SSC5D: variants seen among roughly 807,000 people sequenced by gnomAD.
SSC5D encodes scavenger receptor cysteine rich family member with 5 domains, also known as soluble scavenger receptor cysteine-rich domain-containing protein SSC5D.
A neutral mutation model predicts 104.6 loss-of-function variants in SSC5D; 106 were observed. That is an observed-to-expected ratio of 1.01 (90% CI 0.87 to 1.19). The LOEUF is 1.19. Among genes scored for constraint, SSC5D ranks in the 50% most tolerant of loss-of-function variants. The probability of loss-of-function intolerance (pLI) is 0.00; values close to 1 mark genes in which losing one functional copy is unlikely to be tolerated. For synonymous variants in SSC5D, 860 were observed against 883.5 expected, an observed-to-expected ratio of 0.97 and a Z score of 0.47; for missense variants, 1,993 against 2,153.8, an observed-to-expected ratio of 0.93 and a Z score of 1.48.
chr19:55,498,197 G>A lies in SSC5D; in HGVS notation c.1705G>A (p.Gly569Arg). ...HNEDVGVTCTGPPGLDSISDP... is the reference protein window; with the variant it reads ...HNEDVGVTCTRPPGLDSISDP... ...TGAGGATGTTGGGGTCACCTGCACT[G>A]GTAAGGAGGCCCTAGCTATCTGTTG... Residue 569 changes from glycine to arginine, a missense_variant and splice_region_variant, in exon 9 of 14, where the codon GGG becomes AGG. Physicochemically the swap from Gly to Arg is moderately radical, Grantham distance 125 (BLOSUM62 -2). Transcript: ENST00000389623. 1 of 1,551,674 alleles carries A rather than the reference G, an allele frequency of 6.4e-7. No homozygotes were observed. Among genetic ancestry groups the A allele is most frequent in the Non-Finnish European group, 8.7e-7 (1 of 1,146,974 alleles).
chr19:55,502,138 A>G lies in SSC5D; in HGVS notation c.2785+937A>G, dbSNP rs549868038. Among the ~76,000 whole-genome samples, 11 of 151,980 alleles carry G rather than the reference A, an allele frequency of 7.2e-5. No individual in the cohort carries two copies. The East Asian group carries it at 1.9e-3, about 27-fold the overall frequency. On this transcript the variant is annotated intron_variant, in intron 12 of 13. Transcript: ENST00000389623. ...GGTCTCAAACTCCTGAGCTCAGGCG[A>G]TCCTCCTGTCTCACTCTCTCAAAGT... is the stretch of plus-strand genomic sequence containing the variant.
chr19:55,504,465 T>C, intron 12 of SSC5D: 1 of 493,134 alleles, frequency 2.0e-6, no homozygotes, highest in Non-Finnish European at 3.1e-6. Context: ...AGTGACTTGG[T>C]CTCTTTGAGT....
intron 12 of SSC5D, among the ~76,000 whole-genome samples, chr19:55,502,038 G>A (rs2123446036): frequency 6.6e-6 from 1 of 152,226 alleles, no homozygotes; most frequent in South Asian, 2.1e-4. Flanking sequence ...GAAAAGGTGG[G>A]ACTACAGATG....
intron 12 of SSC5D, chr19:55,504,197 C>T (rs2123448881): frequency 6.5e-7 from 1 of 1,533,618 alleles, no homozygotes; most frequent in Non-Finnish European, 8.7e-7. Context: ...CCCATAGCGC[C>T]CCCTCGTGGT....
chr19:55,497,980 G>C lies in SSC5D; in HGVS notation c.1488G>C (p.Trp496Cys), dbSNP rs1283133970. 1 of 1,551,826 alleles carries C rather than the reference G, an allele frequency of 6.4e-7. No individual in the cohort carries two copies. Among genetic ancestry groups the C allele is most frequent in the Non-Finnish European group, 8.7e-7 (1 of 1,147,016 alleles). ...QRWGTVCDDSWDMRDSAVVCR... is the reference protein window; with the variant it reads ...QRWGTVCDDSCDMRDSAVVCR... ...GGGGGACCGTGTGTGACGATAGCTG[G>C]GACATGCGGGATTCAGCTGTGGTCT... Residue 496 changes from tryptophan to cysteine, a missense_variant, in exon 9 of 14, where the codon TGG becomes TGC. By Grantham distance (215) the Trp-to-Cys change is radical. Around this residue, in one of 6 missense-constraint regions of SSC5D, gnomAD observed 1,101 missense variants for 1,085.0 expected, o/e 1.01. Transcript: ENST00000389623.
intron 8 of SSC5D, among the ~76,000 whole-genome samples, chr19:55,497,178 T>C (rs1987347047): frequency 1.3e-5 from 2 of 152,238 alleles, no homozygotes; most frequent in Non-Finnish European, 2.9e-5. Flanking sequence ...GTACTTCCAC[T>C]ACTCCCTTTA....
At chr19:55,495,233 ATTTTTTTTTT>A (rs74181759) in intron 8 of SSC5D, among the ~76,000 whole-genome samples, 1 of 50,664 alleles carries the variant, frequency 2.0e-5, no homozygotes, top group East Asian at 9.5e-4. Flanking sequence ...ATATATATAT[ATTTTTTTTTT>A]TTTTTTTTTT....
intron 6 of SSC5D, 77 bp from the exon 7 acceptor site, chr19:55,493,518 A>C: frequency 7.9e-7 from 1 of 1,265,962 alleles, no homozygotes; most frequent in South Asian, 1.7e-5. Context: ...TTGGGGTTGC[A>C]GCCTGCCTGA....
At position 55,493,707 on chromosome 19, in the gene SSC5D, A is replaced by G; in HGVS notation, c.1008A>G (p.Arg336=). 1 of 1,513,612 alleles carries G rather than the reference A, an allele frequency of 6.6e-7. No homozygotes were observed. Among genetic ancestry groups the G allele is most frequent in the South Asian group, 1.2e-5 (1 of 80,678 alleles). The allele number at this position is 1,513,612 out of a possible 1,614,324, so 93.8% of individuals were successfully genotyped here. A position where few individuals can be genotyped will look rare whatever the true frequency, so the allele number is the denominator to read the frequency against. The change falls in exon 7 of 14, where the codon CGA becomes CGG. Residue 336 remains arginine, a synonymous_variant. Coordinates refer to ENST00000389623, the MANE Select transcript of SSC5D (RefSeq NM_001144950.2). ...GSVCDDAWDL[R]DAAVACRELG... is the part of the protein sequence containing the mutation. Reference sequence around the variant, plus strand: ...TGTGTGACGACGCCTGGGACCTGCGAGACGCCGCTGTGGCCTGCCGAGAGC... The same window carrying G: ...TGTGTGACGACGCCTGGGACCTGCGGGACGCCGCTGTGGCCTGCCGAGAGC...
intron 12 of SSC5D, among the ~76,000 whole-genome samples, chr19:55,507,327 G>A: frequency 7.7e-6 from 1 of 129,606 alleles, no homozygotes; most frequent in Admixed American, 8.8e-5. Context: ...CTGGATGAGT[G>A]AGACCCCGTC....
rs982539156 is a variant in SSC5D at position 55,500,538 on chromosome 19, G to A, written c.2351G>A (p.Arg784Gln). The A allele has an allele frequency of 1.5e-5, 24 of 1,551,624 alleles. No homozygotes were observed. The highest frequency in any genetic ancestry group is 2.0e-5 in the Admixed American group (1 of 50,990). ...GATGGGCCCAACCGCTGTGCTGGCC[G>A]GCTGGAAGTGTGGCATGCCGGACGC... ...LADGPNRCAGRLEVWHAGRWG... is the reference protein window; with the variant it reads ...LADGPNRCAGQLEVWHAGRWG... Residue 784 changes from arginine (R) to glutamine (Q), a missense_variant, in exon 11 of 14, where the codon CGG becomes CAG. Physicochemically the swap from Arg to Gln is conservative, Grantham distance 43 (BLOSUM62 1). This residue lies in a region of SSC5D where 70 missense variants were observed against 107.1 expected (regional missense o/e 0.65). Transcript: ENST00000389623. This position sits in a 1 kb window ranked among gnomAD's most constrained non-coding sequence, Gnocchi z 4.6.
Position 55,500,458 on chromosome 19 carries a change from C to T in SSC5D, c.2303-32C>T, listed in dbSNP as rs1011505769. On this transcript the variant is annotated intron_variant, in intron 10 of 13. Transcript: ENST00000389623. This position sits in a 1 kb window ranked among gnomAD's most constrained non-coding sequence, Gnocchi z 4.6. ...TGGGGAGAGAATGGGAGAGGCTGAC[C>T]CTCCCTCCTGACCTAAGGGCCTTCC... 1.9e-6 allele frequency: 3 copies of T among 1,547,976 alleles called. No homozygotes were observed. The African/African-American group carries it at 4.1e-5, about 21-fold the overall frequency.
At position 55,489,557 on chromosome 19, in the gene SSC5D, G is replaced by A. The variant is rs765015657; in HGVS notation, c.256G>A (p.Glu86Lys). Reference sequence around the variant, plus strand: ...GGGGGCAGGGCCTGTGTGGCTCAGCGAGCTGGCTTGCCGGGGCAACGAGGG... The same window carrying A: ...GGGGGCAGGGCCTGTGTGGCTCAGCAAGCTGGCTTGCCGGGGCAACGAGGG... Reference protein sequence around the residue: ...GEGAGPVWLSELACRGNEGQL... With the variant: ...GEGAGPVWLSKLACRGNEGQL... Residue 86 changes from glutamate (E) to lysine (K), a missense_variant, in exon 3 of 14, where the codon GAG (glutamate) becomes AAG (lysine). Transcript: ENST00000389623. 52 of 1,503,534 alleles carry A rather than the reference G, an allele frequency of 3.5e-5. No individual in the cohort carries two copies. The highest frequency in any genetic ancestry group is 4.3e-5 in the Non-Finnish European group (49 of 1,130,404). The allele number at this position is 1,503,534 out of a possible 1,614,324, so 93.1% of individuals were successfully genotyped here.
chr19:55,498,975 A>C (rs559669780), intron 9 of SSC5D, among the ~76,000 whole-genome samples: 1 of 152,342 alleles, frequency 6.6e-6, no homozygotes, highest in South Asian at 2.1e-4. Flanking sequence ...CAGTGGAGTT[A>C]TGCAGACAGC....
At chr19:55,498,982 C>T (rs779991884) in intron 9 of SSC5D, among the ~76,000 whole-genome samples, 1 of 152,184 alleles carries the variant, frequency 6.6e-6, no homozygotes, top group East Asian at 1.9e-4. Context: ...GTTATGCAGA[C>T]AGCACTTCAT....
chr19:55,503,466 C>A lies in SSC5D; in HGVS notation c.2785+2265C>A, dbSNP rs772893681. On this transcript the variant is annotated intron_variant, in intron 12 of 13. Coordinates refer to ENST00000389623, the MANE Select transcript of SSC5D (RefSeq NM_001144950.2). This position sits in a 1 kb window ranked among gnomAD's most constrained non-coding sequence, Gnocchi z 4.0. ...CTCCCGCGCCTTCCCTGCAGTCTCCCGCGTGCTCTCTTCTCTCTCCCCCTC... is the reference window on the plus strand; with the variant it reads ...CTCCCGCGCCTTCCCTGCAGTCTCCAGCGTGCTCTCTTCTCTCTCCCCCTC... Among the ~76,000 whole-genome samples, 1 of 152,092 alleles carries A rather than the reference C, an allele frequency of 6.6e-6. No individual in the cohort carries two copies. The highest frequency in any genetic ancestry group is 1.5e-5 in the Non-Finnish European group (1 of 68,024).
Position 55,492,070 on chromosome 19 carries a change from C to T in SSC5D, c.895+990C>T, listed in dbSNP as rs138700643. ...CCCTAGTCTCTGCTGTATGCTGGGCCCTGCGCTGTGCACGTTACCTGGGGC... is the reference window on the plus strand; with the variant it reads ...CCCTAGTCTCTGCTGTATGCTGGGCTCTGCGCTGTGCACGTTACCTGGGGC... On this transcript the variant is annotated intron_variant, in intron 6 of 13. Transcript: ENST00000389623. The T allele has an allele frequency of 2.6e-5, 4 of 152,472 alleles. No homozygotes were observed. In the East Asian group the frequency reaches 7.7e-4, roughly 29 times the overall value. The allele number at this position is 152,472 out of a possible 1,614,324, so 9.4% of individuals were successfully genotyped here.
At position 55,489,902 on chromosome 19, in the gene SSC5D, A is replaced by C; in HGVS notation, c.382A>C (p.Arg128=). The C allele has an allele frequency of 1.3e-6, 2 of 1,546,570 alleles. No homozygotes were observed. Among genetic ancestry groups the C allele is most frequent in the Non-Finnish European group, 1.7e-6 (2 of 1,145,504 alleles). The change falls in exon 4 of 14, where the codon AGG becomes CGG. Residue 128 remains arginine, a synonymous_variant. Transcript: ENST00000389623. ...VCAGQRVANS[R]DDSTSPLDGA... ...CGCAGGTCAGCGTGTGGCTAACTCCAGGGACGACTCAACATCTCCCCTGGA... is the reference window on the plus strand; with the variant it reads ...CGCAGGTCAGCGTGTGGCTAACTCCCGGGACGACTCAACATCTCCCCTGGA...
chr19:55,506,205 A>G (rs1987631311), intron 12 of SSC5D, among the ~76,000 whole-genome samples: 1 of 151,476 alleles, frequency 6.6e-6, no homozygotes, highest in Non-Finnish European at 1.5e-5. Context: ...GGCGAGGGGC[A>G]TATTATCTTG....
Sources: allele counts gnomAD v4.1 joint callset (sites outside exome capture counted in the v4.1 genomes callset), GRCh38; gene constraint gnomAD v4.1.1; regional missense constraint gnomAD v4.1.1; non-coding constraint Gnocchi (gnomAD v3.1); transcripts MANE v1.5; gene names NCBI Gene and HGNC (gene_info 2026-07-23, HGNC 2026-07-21).